Variants in TP63 observed in about 807,000 individuals in gnomAD.
TP63 encodes tumor protein 63.
Under a neutral mutation model 82.8 loss-of-function variants are expected in TP63, and 17 were observed. The ratio of observed to expected loss-of-function variants is 0.21; its 90% CI spans 0.14 to 0.31. The LOEUF is 0.31. Ranked by LOEUF, TP63 falls within the 10% of genes least tolerant of loss-of-function variation. TP63 has a pLI of 1.00. For missense variants in TP63, 648 were observed against 895.3 expected, an observed-to-expected ratio of 0.72 and a Z score of 3.52; for synonymous variants, 330 against 321.7, an observed-to-expected ratio of 1.03 and a Z score of -0.28.
At chr3:189,844,063 C>G (rs1040601009) in intron 4 of TP63, 3 of 225,306 alleles carry the variant, frequency 1.3e-5, no homozygotes, top group Admixed American at 5.4e-5. Context: ...ATTCACCCCC[C>G]CTACTTTTTA....
At position 189,712,322 on chromosome 3, in the gene TP63, G is replaced by C. The variant is rs941376091; in HGVS notation, c.63-25418G>C. ...AAGAAAGTTTTCTGAAATATTCTGA[G>C]GTAAGAAGTGAAGATTAGCTAGGTT... On this transcript the variant is annotated intron_variant, in intron 1 of 13. Transcript: ENST00000264731. Among the ~76,000 whole-genome samples the C allele has an allele frequency of 9.8e-5, 15 of 152,292 alleles. No homozygotes were observed. In the East Asian group the frequency reaches 2.7e-3, roughly 27 times the overall value.
intron 1 of TP63, among the ~76,000 whole-genome samples, chr3:189,729,896 TC>T (rs2108782009): frequency 6.6e-6 from 1 of 152,292 alleles, no homozygotes; most frequent in Non-Finnish European, 1.5e-5. Flanking sequence ...ATCAAGGTAT[TC>T]TTTGGCATCC....
the TP63 span, among the ~76,000 whole-genome samples, chr3:189,625,500 C>T: frequency 1.4e-4 from 21 of 151,608 alleles, no homozygotes; most frequent in African/African-American, 4.4e-4. Flanking sequence ...AAGATTTTTC[C>T]TTGGTGTAAA....
At chr3:189,776,819 T>C (rs1385837505) in intron 3 of TP63, among the ~76,000 whole-genome samples, 2 of 152,194 alleles carry the variant, frequency 1.3e-5, no homozygotes, top group Non-Finnish European at 2.9e-5. Context: ...CTTGGCACAC[T>C]TCTCTACGCA....
chr3:189,849,148 G>A (rs967576866), intron 4 of TP63, among the ~76,000 whole-genome samples: 1 of 152,186 alleles, frequency 6.6e-6, no homozygotes, highest in African/African-American at 2.4e-5. Flanking sequence ...GGAGGGCATG[G>A]AAACTCTGCA....
chr3:189,826,580 A>C (rs146511607), intron 4 of TP63, among the ~76,000 whole-genome samples: 43 of 152,356 alleles, frequency 2.8e-4, no homozygotes, highest in Non-Finnish European at 5.1e-4. Context: ...AGGATTGTTT[A>C]TCAGTAAGTT....
At chr3:189,637,518 A>C (rs1263114400) in intron 1 of TP63, among the ~76,000 whole-genome samples, 2 of 152,126 alleles carry the variant, frequency 1.3e-5, no homozygotes, top group African/African-American at 4.8e-5. Flanking sequence ...TCTGAATCCC[A>C]GAGTGGTTAA....
intron 1 of TP63, among the ~76,000 whole-genome samples, chr3:189,656,386 G>A (rs1397587956): frequency 6.6e-6 from 1 of 152,084 alleles, no homozygotes; most frequent in African/African-American, 2.4e-5. Flanking sequence ...AGGCAAAATG[G>A]TCTTATATAA....
At chr3:189,822,120 C>T (rs1223989210) in intron 4 of TP63, among the ~76,000 whole-genome samples, 1 of 152,146 alleles carries the variant, frequency 6.6e-6, no homozygotes, top group African/African-American at 2.4e-5. Flanking sequence ...AGGGATGATA[C>T]TCCTTTAGGT....
At position 189,650,094 on chromosome 3, in the gene TP63, G is replaced by A. The variant is rs192655586; in HGVS notation, c.62+18517G>A. 1.2e-3 allele frequency among the ~76,000 whole-genome samples: 169 copies of A among 146,696 alleles called. 13 individuals carry two copies. The highest frequency in any genetic ancestry group is 1.0e-3 in the Non-Finnish European group (68 of 67,206). ...AAAGTTGACCAATGGAATAGTTGACGTTTACAGAGATTGACCTCACTTAAT... is the reference window on the plus strand; with the variant it reads ...AAAGTTGACCAATGGAATAGTTGACATTTACAGAGATTGACCTCACTTAAT... On this transcript the variant is annotated intron_variant, in intron 1 of 13. Coordinates refer to ENST00000264731, the MANE Select transcript of TP63 (RefSeq NM_003722.5).
rs533255934 is a variant in TP63, at chr3:189,872,609, T to C, written c.1213-250T>C. Among the ~76,000 whole-genome samples, 7 of 152,230 alleles carry C rather than the reference T, an allele frequency of 4.6e-5. No homozygotes were observed. In the South Asian group the frequency reaches 1.5e-3, roughly 32 times the overall value. ...GAACGTGGGTTTACGGTATAAGAGC[T>C]ACAAGATGACAGAGCATCTCCTTGT... On this transcript the variant is annotated intron_variant, in intron 9 of 13. Transcript: ENST00000264731.
At chr3:189,773,875 G>T (rs1723560041) in intron 3 of TP63, among the ~76,000 whole-genome samples, 1 of 148,556 alleles carries the variant, frequency 6.7e-6, no homozygotes, top group Non-Finnish European at 1.5e-5. Context: ...AGTTCCCTTA[G>T]GAGGTAAGAG....
chr3:189,666,581 G>C (rs1475491825), intron 1 of TP63, among the ~76,000 whole-genome samples: 1 of 152,022 alleles, frequency 6.6e-6, no homozygotes, highest in African/African-American at 2.4e-5. Context: ...ATGAAATAGA[G>C]AAGAGACAGA....
chr3:189,879,418 GT>G (rs1719659553), intron 10 of TP63, among the ~76,000 whole-genome samples: 1 of 152,146 alleles, frequency 6.6e-6, no homozygotes, highest in African/African-American at 2.4e-5. Flanking sequence ...TATAGGCCGA[GT>G]TTTTTACTCA....
chr3:189,699,898 A>G (rs1464154103), intron 1 of TP63, among the ~76,000 whole-genome samples: 1 of 152,226 alleles, frequency 6.6e-6, no homozygotes, highest in Non-Finnish European at 1.5e-5. Flanking sequence ...ATATTTACCA[A>G]CATGAATTTT....
At chr3:189,848,867 A>G (rs1436353337) in intron 4 of TP63, among the ~76,000 whole-genome samples, 2 of 152,170 alleles carry the variant, frequency 1.3e-5, no homozygotes, top group African/African-American at 4.8e-5. Context: ...TGGAATTTCC[A>G]AAATGCTGCC....
intron 1 of TP63, among the ~76,000 whole-genome samples, chr3:189,732,780 A>G (rs1301850647): frequency 6.6e-6 from 1 of 151,682 alleles, no homozygotes; most frequent in Non-Finnish European, 1.5e-5. Context: ...AAGGAGCTGT[A>G]AAACCACAAG....
chr3:189,883,257 C>A (rs55654591), intron 10 of TP63, among the ~76,000 whole-genome samples: 107,777 of 151,948 alleles, frequency 0.71, 38,593 homozygotes, highest in Middle Eastern at 0.86. Flanking sequence ...CCTTTTTCAC[C>A]GTATGTAGTT....
chr3:189,875,613 T>TATATATATATATACACACAC (rs1553859701), intron 10 of TP63, among the ~76,000 whole-genome samples: 3 of 105,506 alleles, frequency 2.8e-5, no homozygotes, highest in Admixed American at 8.9e-5. Flanking sequence ...TATATATATA[T>TATATATATATATACACACAC]ATATATATAT....
Sources: allele counts gnomAD v4.1 joint callset (sites outside exome capture counted in the v4.1 genomes callset), GRCh38; gene constraint gnomAD v4.1.1; transcripts MANE v1.5; gene names NCBI Gene and HGNC (gene_info 2026-07-23, HGNC 2026-07-21).